The following GPC5 variants were observed in gnomAD, a reference collection of about 807,000 sequenced individuals.
GPC5 encodes the protein glypican-5.
GPC5 carries 47 observed loss-of-function variants against 53.9 expected under a neutral mutation model. That is an observed-to-expected ratio of 0.87 (90% confidence interval 0.69 to 1.11). The LOEUF (loss-of-function observed/expected upper bound fraction) is 1.11, where lower values mean the gene tolerates loss of function less well. GPC5 is among the 50% of genes most tolerant of loss of function. GPC5 has a pLI of 0.00. For missense variants in GPC5, 748 were observed against 713.1 expected (o/e 1.05, Z -0.56); for synonymous variants, 286 against 263.3 (o/e 1.09, Z -0.84).
intron 6 of GPC5, among the ~76,000 whole-genome samples, chr13:91,914,587 CAG>C (rs2039640452): frequency 7.1e-6 from 1 of 140,158 alleles, no homozygotes; most frequent in Admixed American, 7.1e-5. Context: ...AGTATTCAGG[CAG>C]AGATGAGAGA....
intron 7 of GPC5, among the ~76,000 whole-genome samples, chr13:92,802,166 A>G (rs767254738): frequency 1.3e-5 from 2 of 151,722 alleles, no homozygotes; most frequent in African/African-American, 4.8e-5. Flanking sequence ...CTATGTTGAG[A>G]CATATTTAGA....
At chr13:92,517,091 A>G (rs2138961633) in intron 7 of GPC5, among the ~76,000 whole-genome samples, 1 of 152,134 alleles carries the variant, frequency 6.6e-6, no homozygotes, top group African/African-American at 2.4e-5. Flanking sequence ...CTAGCACATC[A>G]GTCTGAGATC....
chr13:91,415,746 TG>T lies in GPC5; in HGVS notation c.163+16545del, dbSNP rs201618062. Among the ~76,000 whole-genome samples, 55 of 8,976 alleles carry T rather than the reference TG, an allele frequency of 6.1e-3. No individual in the cohort carries two copies. The South Asian group carries it at 0.11, about 18-fold the overall frequency. 5.9% of individuals were successfully genotyped at this position (8,976 alleles called of 152,430 possible). ...CCTTGTAAAAGTCTTTTTGCGGGGG[TG>T]GGGGGGGTGGGGGCTTGTAAGGAGA... On this transcript the variant is annotated intron_variant, in intron 1 of 7. Transcript: ENST00000377067.
chr13:91,484,620 C>A (rs1229157718), intron 2 of GPC5, among the ~76,000 whole-genome samples: 1 of 151,974 alleles, frequency 6.6e-6, no homozygotes, highest in African/African-American at 2.4e-5. Flanking sequence ...TTGGATAATT[C>A]TGTTTTGATT....
chr13:92,762,772 T>A (rs1283661885), intron 7 of GPC5, among the ~76,000 whole-genome samples: 2 of 152,108 alleles, frequency 1.3e-5, no homozygotes, highest in African/African-American at 4.8e-5. Flanking sequence ...TTCATTGTTT[T>A]CTTTTTTTCT....
intron 6 of GPC5, among the ~76,000 whole-genome samples, chr13:92,121,736 G>C (rs567557061): frequency 3.3e-5 from 5 of 152,246 alleles, no homozygotes; most frequent in African/African-American, 1.2e-4. Flanking sequence ...ACTTCCAAAT[G>C]TCATTACATC....
chr13:92,846,381 G>C (rs1046398459), intron 7 of GPC5, among the ~76,000 whole-genome samples: 2 of 152,156 alleles, frequency 1.3e-5, no homozygotes, highest in Admixed American at 1.3e-4. Context: ...ATATTACATA[G>C]AAAGACACTG....
At chr13:92,450,077 T>TG (rs1487288607) in intron 7 of GPC5, among the ~76,000 whole-genome samples, 7 of 152,166 alleles carry the variant, frequency 4.6e-5, no homozygotes, top group African/African-American at 1.7e-4. Flanking sequence ...TATGAATTAT[T>TG]CAGAGAGTTT....
intron 2 of GPC5, among the ~76,000 whole-genome samples, chr13:91,689,210 TA>T (rs2035695529): frequency 8.3e-6 from 1 of 120,448 alleles, no homozygotes; most frequent in African/African-American, 3.3e-5. Context: ...TATATATATA[TA>T]TATATATATA....
chr13:91,946,486 A>T (rs1229780724), intron 6 of GPC5, among the ~76,000 whole-genome samples: 3 of 152,226 alleles, frequency 2.0e-5, no homozygotes, highest in African/African-American at 7.2e-5. Context: ...AAAAAACGAT[A>T]AGAATAATCT....
chr13:91,831,631 G>T (rs2038660495), intron 5 of GPC5, among the ~76,000 whole-genome samples: 1 of 151,642 alleles, frequency 6.6e-6, no homozygotes, highest in Admixed American at 6.6e-5. Flanking sequence ...TATAGTGTTG[G>T]TTCTGGAGAA....
intron 2 of GPC5, among the ~76,000 whole-genome samples, chr13:91,626,054 C>T (rs1013651997): frequency 1.3e-5 from 2 of 152,008 alleles, no homozygotes; most frequent in Non-Finnish European, 2.9e-5. Context: ...TACTCTAAAA[C>T]AATATCTGGT....
At chr13:91,993,714 A>T (rs2040478655) in intron 6 of GPC5, among the ~76,000 whole-genome samples, 1 of 152,188 alleles carries the variant, frequency 6.6e-6, no homozygotes, top group African/African-American at 2.4e-5. Flanking sequence ...TATAGGTGAA[A>T]GACCGATTCC....
chr13:91,504,977 C>G (rs497080), intron 2 of GPC5, among the ~76,000 whole-genome samples: 87,763 of 151,878 alleles, frequency 0.58, 28,289 homozygotes, highest in Non-Finnish European at 0.72. Flanking sequence ...AAGCAAACAA[C>G]CAAACAGAAA....
intron 3 of GPC5, among the ~76,000 whole-genome samples, chr13:91,701,105 A>G (rs2035982397): frequency 6.6e-6 from 1 of 152,140 alleles, no homozygotes. Context: ...ATTGTCAAAA[A>G]TTATATGTAT....
intron 7 of GPC5, among the ~76,000 whole-genome samples, chr13:92,780,681 C>CT (rs2138761366): frequency 6.9e-6 from 1 of 144,304 alleles, no homozygotes; most frequent in South Asian, 2.3e-4. Context: ...GTGCAGAAAA[C>CT]ATTTTTTTTA....
intron 2 of GPC5, among the ~76,000 whole-genome samples, chr13:91,518,816 G>A (rs1885647136): frequency 6.6e-6 from 1 of 152,200 alleles, no homozygotes; most frequent in African/African-American, 2.4e-5. Flanking sequence ...GCCTCCCAAA[G>A]TGCTGGGATT....
intron 6 of GPC5, among the ~76,000 whole-genome samples, chr13:92,087,562 G>A (rs560249290): frequency 1.3e-4 from 20 of 152,052 alleles, no homozygotes; most frequent in Non-Finnish European, 2.2e-4. Flanking sequence ...TGAAAATAAG[G>A]ACATAAAGTA....
chr13:91,421,704 T>C (rs1878647152), intron 1 of GPC5, among the ~76,000 whole-genome samples: 1 of 152,136 alleles, frequency 6.6e-6, no homozygotes, highest in Non-Finnish European at 1.5e-5. Context: ...AAAGAAAACT[T>C]GCTCCAGAAA....
Sources: allele counts gnomAD v4.1 joint callset (sites outside exome capture counted in the v4.1 genomes callset), GRCh38; gene constraint gnomAD v4.1.1; transcripts MANE v1.5; gene names NCBI Gene and HGNC (gene_info 2026-07-23, HGNC 2026-07-21).